Variants in SEL1L3 observed in about 807,000 individuals in gnomAD.
SEL1L3 encodes the protein protein sel-1 homolog 3.
Under a neutral mutation model 142.8 loss-of-function variants are expected in SEL1L3, and 76 were observed. That is an observed-to-expected ratio of 0.53 (90% CI 0.44 to 0.64). SEL1L3 has a LOEUF of 0.64. Among genes scored for constraint, SEL1L3 ranks in the 30% least tolerant of loss-of-function variants. The pLI is 0.00. For synonymous variants in SEL1L3, 504 were observed against 519.6 expected, an observed-to-expected ratio of 0.97 and a Z score of 0.41; for missense variants, 1,262 against 1,381.7, an observed-to-expected ratio of 0.91 and a Z score of 1.37.
At chr4:25,716,847 C>G in the SEL1L3 span, among the ~76,000 whole-genome samples, 1 of 152,128 alleles carries the variant, frequency 6.6e-6, no homozygotes, top group Non-Finnish European at 1.5e-5. Context: ...CAAAAAAAGG[C>G]CAGGTGCGGT....
At position 25,747,939 on chromosome 4, in the gene SEL1L3, G is replaced by T. The variant is rs1255023166; in HGVS notation, c.*486C>A. On this transcript the variant is annotated 3_prime_UTR_variant, in exon 24 of 24. Transcript: ENST00000399878. ...GGTGCCTTATAACTGCTAGGTCTTG[G>T]AAGTCAAAGAGAAATCTATCAATTC... 1 of 153,382 alleles carries T rather than the reference G, an allele frequency of 6.5e-6. No homozygotes were observed. The highest frequency in any genetic ancestry group is 6.5e-5 in the Admixed American group (1 of 15,400). The allele number at this position is 153,382 out of a possible 1,614,324, so 9.5% of individuals were successfully genotyped here. A position where few individuals can be genotyped will look rare whatever the true frequency, so the allele number is the denominator to read the frequency against.
chr4:25,806,793 G>T (rs1713608096), intron 9 of SEL1L3, among the ~76,000 whole-genome samples: 2 of 151,784 alleles, frequency 1.3e-5, no homozygotes, highest in Non-Finnish European at 2.9e-5. Flanking sequence ...TTTACTGAAC[G>T]AATGGAGTTT....
At chr4:25,818,476 T>G (rs574284998) in intron 8 of SEL1L3, among the ~76,000 whole-genome samples, 198 bp from the exon 9 acceptor site, 3 of 152,204 alleles carry the variant, frequency 2.0e-5, no homozygotes, top group Non-Finnish European at 4.4e-5. Flanking sequence ...ATGAGAAATG[T>G]GCCAAAGTTG....
chr4:25,823,758 C>A (rs989047600), intron 6 of SEL1L3, among the ~76,000 whole-genome samples: 9 of 152,030 alleles, frequency 5.9e-5, no homozygotes, highest in Non-Finnish European at 1.3e-4. Flanking sequence ...GGCAGGCTGC[C>A]AGGAGCCCAG....
At position 25,784,315 on chromosome 4, in the gene SEL1L3, T is replaced by C. The variant is rs191447724; in HGVS notation, c.2218-25A>G. 1,246 of 1,597,048 alleles carry C rather than the reference T, an allele frequency of 7.8e-4. 8 individuals are homozygous for C. The African/African-American group carries it at 0.015, about 19-fold the overall frequency. On this transcript the variant is annotated intron_variant, in intron 13 of 23. Transcript: ENST00000399878. Reference sequence around the variant, plus strand: ...CCTAAACATTGATAAACAGCGATGATTACAAAGAAAATACAACCAGACTGC... The same window carrying C: ...CCTAAACATTGATAAACAGCGATGACTACAAAGAAAATACAACCAGACTGC...
chr4:25,790,396 G>A (rs1017152645), intron 12 of SEL1L3, 59 bp downstream of exon 12: 11 of 1,548,168 alleles, frequency 7.1e-6, no homozygotes, highest in African/African-American at 6.8e-5. Flanking sequence ...TCATTACCAC[G>A]GTATAACCCA....
intron 9 of SEL1L3, among the ~76,000 whole-genome samples, chr4:25,812,029 G>A (rs947282495): frequency 6.6e-5 from 10 of 152,196 alleles, no homozygotes; most frequent in African/African-American, 1.9e-4. Context: ...CGCTCACTCC[G>A]TGGCAAGCTT....
chr4:25,824,399 G>T (rs1714963863), intron 6 of SEL1L3, among the ~76,000 whole-genome samples: 1 of 152,148 alleles, frequency 6.6e-6, no homozygotes, highest in African/African-American at 2.4e-5. Context: ...ACTGTCTAGA[G>T]CCTTAGTCTC....
chr4:25,856,606 A>AC (rs1459438742), intron 1 of SEL1L3, among the ~76,000 whole-genome samples: 8 of 151,784 alleles, frequency 5.3e-5, no homozygotes, highest in African/African-American at 1.7e-4. Flanking sequence ...AAAAAAAAAA[A>AC]AAAAAAACAA....
At position 25,788,129 on chromosome 4, in the gene SEL1L3, G is replaced by A; in HGVS notation, c.2217+95C>T. ...CAGAAGCATATACTAAATTTCTTCA[G>A]TTATCGACTCCCTGTTTGCCAGCCC... On this transcript the variant is annotated intron_variant, in intron 13 of 23. Transcript: ENST00000399878. The surrounding 1 kb of genome is among the most constrained non-coding windows in gnomAD (Gnocchi z 5.3). 2 of 1,247,894 alleles carry A rather than the reference G, an allele frequency of 1.6e-6. No homozygotes were observed. The highest frequency in any genetic ancestry group is 2.3e-6 in the Non-Finnish European group (2 of 880,608). 77.3% of individuals were successfully genotyped at this position (1,247,894 alleles called of 1,614,324 possible).
chr4:25,804,662 T>G lies in SEL1L3; in HGVS notation c.1655A>C (p.His552Pro). The part of the protein sequence containing the change: ...VKRLSSIDGL[H>P]QISSIVPFLT... ...AAAGGGGACGATAGAGCTAATTTGG[T>G]GAAGACCATCAATGCTAGAGAGTCT... The change falls in exon 10 of 24, where the codon CAC becomes CCC. Residue 552 changes from histidine to proline, a missense_variant. Transcript: ENST00000399878. 6.2e-7 allele frequency: 1 copy of G among 1,613,652 alleles called. No homozygotes were observed. Among genetic ancestry groups the G allele is most frequent in the East Asian group, 2.2e-5 (1 of 44,878 alleles).
chr4:25,734,585 T>G, the SEL1L3 span, among the ~76,000 whole-genome samples: 1 of 152,100 alleles, frequency 6.6e-6, no homozygotes. Flanking sequence ...TCTTCTTTTT[T>G]TTTGAGACAG....
downstream of SEL1L3, among the ~76,000 whole-genome samples, chr4:25,744,854 C>G (rs1427639550): frequency 1.3e-5 from 2 of 152,214 alleles, no homozygotes; most frequent in Non-Finnish European, 2.9e-5. Flanking sequence ...CGGCCATCTA[C>G]AAGCCAAGGA....
chr4:25,842,278 G>A (rs904539818), intron 2 of SEL1L3, among the ~76,000 whole-genome samples: 4 of 151,888 alleles, frequency 2.6e-5, no homozygotes, highest in Non-Finnish European at 4.4e-5. Flanking sequence ...ACTTCAGGGT[G>A]GGGGCTAGAA....
intron 5 of SEL1L3, 136 bp from the exon 6 acceptor site, chr4:25,830,292 C>T (rs1715352908): frequency 1.7e-6 from 1 of 572,382 alleles, no homozygotes; most frequent in African/African-American, 1.9e-5. Flanking sequence ...ATAAAATTAA[C>T]AGTTTACTAG....
At chr4:25,734,645 T>C in the SEL1L3 span, among the ~76,000 whole-genome samples, 1 of 152,126 alleles carries the variant, frequency 6.6e-6, no homozygotes. Flanking sequence ...CTCGGCTTAC[T>C]GCAACCTCTG....
intron 2 of SEL1L3, among the ~76,000 whole-genome samples, chr4:25,836,508 C>T (rs563939616): frequency 3.3e-5 from 5 of 151,940 alleles, no homozygotes; most frequent in Non-Finnish European, 7.4e-5. Context: ...AAAAATTAGC[C>T]GGGCATGGTA....
intron 15 of SEL1L3, 100 bp downstream of exon 15, chr4:25,782,142 T>TGTGTCTGG: frequency 9.8e-7 from 1 of 1,022,846 alleles, no homozygotes; most frequent in Non-Finnish European, 1.5e-6. Flanking sequence ...GGACAGGGAC[T>TGTGTCTGG]GTGTCTGGGG....
chr4:25,788,155 G>A lies in SEL1L3; in HGVS notation c.2217+69C>T, dbSNP rs543969569. ...TTATCGACTCCCTGTTTGCCAGCCC[G>A]CCCACAGGAAACTGCTCAGGAGTCT... On this transcript the variant is annotated intron_variant, in intron 13 of 23. Transcript: ENST00000399878. This position sits in a 1 kb window ranked among gnomAD's most constrained non-coding sequence, Gnocchi z 5.3. 9.4e-5 allele frequency: 144 copies of A among 1,525,778 alleles called. No individual in the cohort carries two copies. The highest frequency in any genetic ancestry group is 1.2e-4 in the Non-Finnish European group (130 of 1,116,948). The allele number at this position is 1,525,778 out of a possible 1,614,324, so 94.5% of individuals were successfully genotyped here.
Sources: gnomAD v4.1 joint callset for allele counts (sites outside exome capture counted in the v4.1 genomes callset) on GRCh38, gnomAD v4.1.1 for gene constraint, Gnocchi (gnomAD v3.1) non-coding constraint, MANE v1.5 for transcripts, NCBI Gene and HGNC (gene_info 2026-07-23, HGNC 2026-07-21) for gene names.